The following ANKFY1 variants were observed in gnomAD, a reference collection of about 807,000 sequenced individuals.
ANKFY1 encodes ankyrin repeat and FYVE domain-containing protein 1.
ANKFY1 carries 47 observed loss-of-function variants against 128.3 expected under a neutral mutation model. The ratio of observed to expected loss-of-function variants is 0.37; its 90% confidence interval spans 0.29 to 0.47. The LOEUF is 0.47. Among genes scored for constraint, ANKFY1 ranks in the 20% least tolerant of loss-of-function variants. The pLI is 1.00. For missense variants in ANKFY1, 1,222 were observed against 1,510.6 expected, an observed-to-expected ratio of 0.81 and a Z score of 3.17; for synonymous variants, 553 against 601.6, an observed-to-expected ratio of 0.92 and a Z score of 1.18.
At chr17:4,170,596 G>GA in intron 23 of ANKFY1, 119 bp downstream of exon 23, 1 of 1,398,898 alleles carries the variant, frequency 7.1e-7, no homozygotes, top group Non-Finnish European at 9.7e-7. Flanking sequence ...GCTACTGCCA[G>GA]GAAACGAGCG....
intron 3 of ANKFY1, 57 bp from the exon 4 acceptor site, chr17:4,217,175 C>T (rs913780641): frequency 6.3e-6 from 10 of 1,579,986 alleles, no homozygotes; most frequent in Non-Finnish European, 8.6e-6. Context: ...CTTAGACTTT[C>T]TCAAGGGATC....
chr17:4,235,315 T>C, intron 3 of ANKFY1, among the ~76,000 whole-genome samples: 1 of 121,766 alleles, frequency 8.2e-6, no homozygotes, highest in Admixed American at 1.2e-4. Context: ...CACTCCAGCC[T>C]GGGTAACAGA....
chr17:4,207,439 G>A lies in ANKFY1; in HGVS notation c.732+494C>T, dbSNP rs140870232. ...AAATGGGGACCTCGATCCTGTAAGT[G>A]CAAGAATCTGAATTCTGCCAAAGAT... On this transcript the variant is annotated intron_variant, in intron 6 of 24. Coordinates refer to ENST00000341657, the MANE Select transcript of ANKFY1 (RefSeq NM_001330063.2). Among the ~76,000 whole-genome samples, 270 of 152,300 alleles carry A rather than the reference G, an allele frequency of 1.8e-3. 4 individuals are homozygous for A. Among genetic ancestry groups the A allele is most frequent in the African/African-American group, 6.2e-3 (258 of 41,566 alleles).
intron 8 of ANKFY1, 34 bp from the exon 9 acceptor site, chr17:4,195,505 G>A (rs1227260331): frequency 6.3e-6 from 10 of 1,580,008 alleles, no homozygotes; most frequent in South Asian, 1.1e-5. Flanking sequence ...GTCAGTTCAG[G>A]ACAGGCCTGT....
In ANKFY1 at chr17:4,209,879, T is replaced by C; in HGVS notation, c.527A>G (p.Glu176Gly). Reference protein sequence around the residue: ...NCIRFYQTAEELNASTLMNYC... With the variant: ...NCIRFYQTAEGLNASTLMNYC... The stretch of plus-strand genomic sequence containing the variant: ...GTTCATCAGTGTGCTGGCATTCAGC[T>C]CCTCTGCCGTCTGGTAGAAGCGAAT... Residue 176 changes from glutamate (E) to glycine (G), a missense_variant, in exon 5 of 25, where the codon GAG becomes GGG. Coordinates refer to ENST00000341657, the MANE Select transcript of ANKFY1 (RefSeq NM_001330063.2). 2.5e-6 allele frequency: 4 copies of C among 1,614,032 alleles called. No homozygotes were observed. Among genetic ancestry groups the C allele is most frequent in the Non-Finnish European group, 3.4e-6 (4 of 1,179,908 alleles).
chr17:4,235,700 T>G, intron 3 of ANKFY1, 72 bp downstream of exon 3: 64 of 1,017,308 alleles, frequency 6.3e-5, no homozygotes, highest in Non-Finnish European at 8.6e-5. Context: ...TATTTCAAAA[T>G]GAGACACCAC....
intron 1 of ANKFY1, chr17:4,263,600 C>T: frequency 6.5e-7 from 1 of 1,534,934 alleles, no homozygotes; most frequent in South Asian, 1.2e-5. Context: ...CTTACTTCCC[C>T]CGGCGTCCCG....
At chr17:4,208,157 CAA>C (rs2060060226) in intron 5 of ANKFY1, 75 bp from the exon 6 acceptor site, 1 of 1,431,290 alleles carries the variant, frequency 7.0e-7, no homozygotes, top group African/African-American at 1.4e-5. Flanking sequence ...GCAAGCCTCT[CAA>C]ATGCATCAGT....
intron 6 of ANKFY1, among the ~76,000 whole-genome samples, chr17:4,207,312 C>T (rs1312729357): frequency 6.6e-6 from 1 of 152,156 alleles, no homozygotes; most frequent in Non-Finnish European, 1.5e-5. Context: ...GCACCTGACC[C>T]ACCACTGCTG....
chr17:4,212,286 G>A (rs1406478827), intron 4 of ANKFY1, among the ~76,000 whole-genome samples: 1 of 152,198 alleles, frequency 6.6e-6, no homozygotes, highest in East Asian at 1.9e-4. Context: ...AGAATGTGGT[G>A]GACAGAGCAA....
chr17:4,257,912 G>T (rs769925621), intron 1 of ANKFY1, among the ~76,000 whole-genome samples: 10 of 152,190 alleles, frequency 6.6e-5, no homozygotes, highest in Non-Finnish European at 1.2e-4. Flanking sequence ...TTCTCATTTG[G>T]TTCAGCAAGG....
intron 20 of ANKFY1, among the ~76,000 whole-genome samples, chr17:4,173,698 G>A (rs1210813130): frequency 6.6e-6 from 1 of 152,244 alleles, no homozygotes; most frequent in African/African-American, 2.4e-5. Context: ...CAAGGAGGCA[G>A]TGTGGGCTTC....
chr17:4,263,560 G>T, intron 1 of ANKFY1: 1 of 1,534,252 alleles, frequency 6.5e-7, no homozygotes, highest in Non-Finnish European at 8.7e-7. Context: ...AACGTGCCAG[G>T]ACAGCAGTTT....
intron 10 of ANKFY1, among the ~76,000 whole-genome samples, chr17:4,190,692 A>G (rs545587267): frequency 4.1e-4 from 62 of 152,200 alleles, no homozygotes; most frequent in Non-Finnish European, 7.3e-4. Flanking sequence ...GAAAAAAATG[A>G]GTTTTTTTTT....
rs2059845441 is a variant in ANKFY1 at position 4,197,402 on chromosome 17, G to T, written c.1074C>A (p.Ala358=). 6.2e-7 allele frequency: 1 copy of T among 1,614,176 alleles called. No individual in the cohort carries two copies. Among genetic ancestry groups the T allele is most frequent in the Middle Eastern group, 1.7e-4 (1 of 6,054 alleles). The change falls in exon 8 of 25, where the codon GCC becomes GCA. Residue 358 remains alanine (A), a synonymous_variant. Transcript: ENST00000341657. ...CCTTGCTGTCCTGCATGTTGGGGTT[G>T]GCACCAGCCTGCAGAAGGGCCTCTG... ...QIAEALLQAG[A]NPNMQDSKGR...
At chr17:4,263,897 G>A in intron 1 of ANKFY1, 35 bp downstream of exon 1, 6 of 1,613,716 alleles carry the variant, frequency 3.7e-6, no homozygotes, top group Non-Finnish European at 5.1e-6. Context: ...CCACAGCTCC[G>A]TGTCTTCCCG....
intron 1 of ANKFY1, among the ~76,000 whole-genome samples, chr17:4,257,329 C>T (rs1163896302): frequency 3.9e-5 from 6 of 152,034 alleles, no homozygotes; most frequent in Non-Finnish European, 5.9e-5. Flanking sequence ...GCAGTCATTT[C>T]GCCATGCCTC....
At chr17:4,226,044 G>A (rs1330161096) in intron 3 of ANKFY1, among the ~76,000 whole-genome samples, 2 of 152,170 alleles carry the variant, frequency 1.3e-5, no homozygotes, top group South Asian at 2.1e-4. Flanking sequence ...TTACAGGCGT[G>A]AGCCACTGAA....
At position 4,167,293 on chromosome 17, in the gene ANKFY1, T is replaced by C. The variant is rs575614227; in HGVS notation, c.*486A>G. 7 of 153,132 alleles carry C rather than the reference T, an allele frequency of 4.6e-5. No individual in the cohort carries two copies. The highest frequency in any genetic ancestry group is 1.7e-4 in the African/African-American group (7 of 41,604). The allele number at this position is 153,132 out of a possible 1,614,324, so 9.5% of individuals were successfully genotyped here. On this transcript the variant is annotated 3_prime_UTR_variant, in exon 25 of 25. Coordinates refer to ENST00000341657, the MANE Select transcript of ANKFY1 (RefSeq NM_001330063.2). The surrounding 1 kb of genome is among the most constrained non-coding windows in gnomAD (Gnocchi z 4.1). ...ACTTCAGGGCAAGAGGATCCTATTATCTTTATGAAAACACTGTGCAGAAAA... is the reference window on the plus strand; with the variant it reads ...ACTTCAGGGCAAGAGGATCCTATTACCTTTATGAAAACACTGTGCAGAAAA...
Sources: allele counts gnomAD v4.1 joint callset (sites outside exome capture counted in the v4.1 genomes callset), GRCh38; gene constraint gnomAD v4.1.1; non-coding constraint Gnocchi (gnomAD v3.1); transcripts MANE v1.5; gene names NCBI Gene and HGNC (gene_info 2026-07-23, HGNC 2026-07-21).